The following CDH12 variants were observed in gnomAD, a reference collection of about 807,000 sequenced individuals.
The protein encoded by CDH12 is cadherin-12.
A neutral mutation model predicts 74.1 loss-of-function variants in CDH12; 41 were observed. The ratio of observed to expected loss-of-function variants is 0.55; its 90% confidence interval spans 0.43 to 0.72. The LOEUF is 0.72. Ranked by LOEUF, CDH12 falls within the 30% of genes least tolerant of loss-of-function variation. The probability of loss-of-function intolerance (pLI) is 0.00; values close to 1 mark genes in which losing one functional copy is unlikely to be tolerated. For missense variants in CDH12, 945 were observed against 977.2 expected (o/e 0.97, Z 0.44); for synonymous variants, 399 against 355.0 (o/e 1.12, Z -1.39).
chr5:22,425,616 C>T (rs1743895514), intron 2 of CDH12, among the ~76,000 whole-genome samples: 1 of 151,950 alleles, frequency 6.6e-6, no homozygotes, highest in African/African-American at 2.4e-5. Flanking sequence ...TTACATAGCT[C>T]ACATATCTAA....
chr5:22,315,004 AGT>A (rs1477145388), intron 3 of CDH12, among the ~76,000 whole-genome samples: 1 of 96,236 alleles, frequency 1.0e-5, no homozygotes, highest in Non-Finnish European at 1.9e-5. Context: ...CCCAGGCTGG[AGT>A]GCAGTGGCGC....
intron 2 of CDH12, among the ~76,000 whole-genome samples, chr5:22,451,699 G>A (rs1375139663): frequency 6.6e-6 from 1 of 151,884 alleles, no homozygotes; most frequent in Non-Finnish European, 1.5e-5. Flanking sequence ...ACATTGTACT[G>A]GAAGTCCTAG....
intron 3 of CDH12, among the ~76,000 whole-genome samples, chr5:22,217,562 C>A (rs1411893127): frequency 1.3e-5 from 2 of 151,530 alleles, no homozygotes; most frequent in African/African-American, 4.8e-5. Flanking sequence ...CTGATTTATT[C>A]TATTTTGTAT....
intron 1 of CDH12, among the ~76,000 whole-genome samples, chr5:22,639,175 T>G (rs988085384): frequency 1.3e-5 from 2 of 150,646 alleles, no homozygotes; most frequent in Non-Finnish European, 2.9e-5. Flanking sequence ...GAAAGGATAC[T>G]TCAGGGACTG....
intron 3 of CDH12, among the ~76,000 whole-genome samples, chr5:22,381,559 T>A (rs1741758763): frequency 1.3e-5 from 2 of 151,962 alleles, no homozygotes; most frequent in Admixed American, 1.3e-4. Flanking sequence ...TATTATTGAG[T>A]CTCTTACTAT....
intron 2 of CDH12, among the ~76,000 whole-genome samples, chr5:22,422,627 T>A (rs1447177322): frequency 6.6e-6 from 1 of 152,164 alleles, no homozygotes; most frequent in East Asian, 1.9e-4. Context: ...AAGATTTTTT[T>A]ATATATTGAG....
intron 2 of CDH12, among the ~76,000 whole-genome samples, chr5:22,425,075 T>TAGAG (rs1491222598): frequency 9.6e-5 from 12 of 124,840 alleles, no homozygotes; most frequent in South Asian, 2.5e-4. Context: ...TATATATATA[T>TAGAG]ATAGAGAGAG....
Position 22,117,597 on chromosome 5 carries a change from T to C in CDH12, c.-186-38735A>G, listed in dbSNP as rs1305374517. On this transcript the variant is annotated intron_variant, in intron 4 of 14. Transcript: ENST00000382254. ...TCTGCCAAGGGCTATTGGTCCTTGA[T>C]TTTAAAAGCTGGACAAAATCCAGTT... is the stretch of plus-strand genomic sequence containing the variant. 1.1e-4 allele frequency among the ~76,000 whole-genome samples: 16 copies of C among 139,180 alleles called. 1 individual carries two copies. The highest frequency in any genetic ancestry group is 4.3e-4 in the African/African-American group (16 of 37,030). 91.3% of individuals were successfully genotyped at this position (139,180 alleles called of 152,430 possible).
intron 1 of CDH12, among the ~76,000 whole-genome samples, chr5:22,721,543 C>A (rs1454290482): frequency 6.6e-6 from 1 of 152,122 alleles, no homozygotes; most frequent in Non-Finnish European, 1.5e-5. Flanking sequence ...AGACTTTGGA[C>A]TATGGACTTT....
At chr5:21,881,144 A>G (rs1467478568) in intron 6 of CDH12, among the ~76,000 whole-genome samples, 1 of 152,198 alleles carries the variant, frequency 6.6e-6, no homozygotes, top group Non-Finnish European at 1.5e-5. Flanking sequence ...AAAATGAAAA[A>G]AAACTGCTGA....
intron 4 of CDH12, among the ~76,000 whole-genome samples, chr5:22,189,010 T>C (rs1750120802): frequency 6.6e-6 from 1 of 152,270 alleles, no homozygotes; most frequent in Non-Finnish European, 1.5e-5. Context: ...CTGAAAATGC[T>C]CCCCAAACTC....
At chr5:22,499,268 C>T (rs1580710016) in intron 2 of CDH12, among the ~76,000 whole-genome samples, 2 of 152,034 alleles carry the variant, frequency 1.3e-5, no homozygotes, top group Non-Finnish European at 2.9e-5. Flanking sequence ...TCTGAAATAT[C>T]CACGAATGTG....
rs532438751 is a variant in CDH12, at chr5:21,819,430, G to A, written c.815-2298C>T. Among the ~76,000 whole-genome samples, 83 of 151,958 alleles carry A rather than the reference G, an allele frequency of 5.5e-4. 4 individuals carry two copies. In the South Asian group the frequency reaches 9.8e-3, roughly 18 times the overall value. ...TTCCTTTTTTTCTTCTAAAATGCCCGTTAAATGGAAATACGATTTATCAGA... is the reference window on the plus strand; with the variant it reads ...TTCCTTTTTTTCTTCTAAAATGCCCATTAAATGGAAATACGATTTATCAGA... On this transcript the variant is annotated intron_variant, in intron 8 of 14. Transcript: ENST00000382254.
intron 6 of CDH12, among the ~76,000 whole-genome samples, chr5:21,974,218 G>T (rs947738220): frequency 6.6e-6 from 1 of 151,386 alleles, no homozygotes; most frequent in Non-Finnish European, 1.5e-5. Context: ...GCTCATACAC[G>T]AATTTTAAGT....
intron 3 of CDH12, among the ~76,000 whole-genome samples, chr5:22,316,504 G>T (rs550373421): frequency 3.3e-5 from 5 of 152,012 alleles, no homozygotes; most frequent in East Asian, 3.9e-4. Context: ...CATTCACAGA[G>T]AATTTTACTG....
At chr5:21,756,174 C>A (rs184147328) in intron 13 of CDH12, among the ~76,000 whole-genome samples, 79 of 152,028 alleles carry the variant, frequency 5.2e-4, no homozygotes, top group African/African-American at 1.8e-3. Flanking sequence ...TAGTTTCATG[C>A]ATAATAGAAA....
At chr5:22,577,520 C>T (rs1007823923) in intron 1 of CDH12, among the ~76,000 whole-genome samples, 1 of 152,098 alleles carries the variant, frequency 6.6e-6, no homozygotes, top group Non-Finnish European at 1.5e-5. Context: ...CTTCCTACAT[C>T]ATAGAAATAA....
intron 1 of CDH12, among the ~76,000 whole-genome samples, chr5:22,644,766 T>C (rs963961571): frequency 6.6e-6 from 1 of 151,988 alleles, no homozygotes; most frequent in Non-Finnish European, 1.5e-5. Flanking sequence ...GATTCAGAGC[T>C]TCAAAGGACA....
chr5:22,568,598 A>C (rs534617814), intron 1 of CDH12, among the ~76,000 whole-genome samples: 1 of 152,332 alleles, frequency 6.6e-6, no homozygotes, highest in Admixed American at 6.5e-5. Context: ...CAACTACTTT[A>C]AAAATAGATT....
Sources: gnomAD v4.1 joint callset for allele counts (sites outside exome capture counted in the v4.1 genomes callset) on GRCh38, gnomAD v4.1.1 for gene constraint, MANE v1.5 for transcripts, NCBI Gene and HGNC (gene_info 2026-07-23, HGNC 2026-07-21) for gene names.